Variants in GPD2 observed in about 807,000 individuals in gnomAD.
The protein encoded by GPD2 is glycerol-3-phosphate dehydrogenase 2, also known as glycerol-3-phosphate dehydrogenase, mitochondrial.
GPD2 carries 54 observed loss-of-function variants against 82.4 expected under a neutral mutation model. That is an observed-to-expected ratio of 0.66 (90% CI 0.53 to 0.82). GPD2 has a LOEUF of 0.82. Ranked by LOEUF, GPD2 falls within the 40% of genes least tolerant of loss-of-function variation. GPD2 has a pLI of 0.00. For missense variants in GPD2, 748 were observed against 896.2 expected (o/e 0.83, Z 2.11); for synonymous variants, 288 against 306.1 (o/e 0.94, Z 0.62).
chr2:156,421,917 G>A, the GPD2 span, among the ~76,000 whole-genome samples: 1 of 152,170 alleles, frequency 6.6e-6, no homozygotes, highest in Non-Finnish European at 1.5e-5. Context: ...CTTAAGCCCA[G>A]GAGTTCAAGA....
intron 2 of GPD2, among the ~76,000 whole-genome samples, chr2:156,493,547 G>A (rs997133727): frequency 6.6e-6 from 1 of 152,152 alleles, no homozygotes; most frequent in South Asian, 2.1e-4. Flanking sequence ...TCACACACTA[G>A]TGATGCCTTT....
chr2:156,474,130 C>T (rs1188819768), intron 1 of GPD2, among the ~76,000 whole-genome samples: 5 of 152,050 alleles, frequency 3.3e-5, no homozygotes, highest in Admixed American at 2.6e-4. Context: ...CTCCTGGGCT[C>T]TAATCCTGGG....
At chr2:156,426,826 A>C in the GPD2 span, among the ~76,000 whole-genome samples, 1 of 27,492 alleles carries the variant, frequency 3.6e-5, no homozygotes, top group Admixed American at 5.4e-4. Flanking sequence ...GGAGAAATTT[A>C]AAAAAAAAAG....
At chr2:156,447,584 C>A (rs188328824) in intron 1 of GPD2, among the ~76,000 whole-genome samples, 3 of 152,302 alleles carry the variant, frequency 2.0e-5, no homozygotes, top group Admixed American at 2.0e-4. Context: ...ATTCTCCCTC[C>A]TTAGCCTCCC....
chr2:156,495,975 A>T, intron 2 of GPD2, 69 bp from the exon 3 acceptor site: 1 of 1,135,246 alleles, frequency 8.8e-7, no homozygotes, highest in Non-Finnish European at 1.3e-6. Flanking sequence ...ATTTCCTTTT[A>T]GTATATTGTA....
chr2:156,468,329 A>G (rs139947476), intron 1 of GPD2, among the ~76,000 whole-genome samples: 113 of 152,280 alleles, frequency 7.4e-4, no homozygotes, highest in Non-Finnish European at 1.4e-3. Context: ...GAGGTTCTAT[A>G]TGCTTATTTT....
At chr2:156,521,540 T>C (rs1685408554) in intron 6 of GPD2, among the ~76,000 whole-genome samples, 1 of 152,208 alleles carries the variant, frequency 6.6e-6, no homozygotes. Context: ...ATGGATACTC[T>C]ATAGTCCACC....
chr2:156,569,410 G>A lies in GPD2; in HGVS notation c.1348G>A (p.Ala450Thr). Reference protein sequence around the residue: ...YRSMAEDTINAAVKTHNLKAG... With the variant: ...YRSMAEDTINTAVKTHNLKAG... Reference sequence around the variant, plus strand: ...GTCTATGGCAGAAGATACCATAAATGCTGCTGTCAAAACTCATAATTTAAA... The same window carrying A: ...GTCTATGGCAGAAGATACCATAAATACTGCTGTCAAAACTCATAATTTAAA... The change falls in exon 11 of 17, where the codon GCT becomes ACT. Residue 450 changes from alanine (A) to threonine (T), a missense_variant. By Grantham distance (58) the Ala-to-Thr change is moderately conservative (BLOSUM62 0). Coordinates refer to ENST00000438166, the MANE Select transcript of GPD2 (RefSeq NM_000408.5). 1 of 1,611,318 alleles carries A rather than the reference G, an allele frequency of 6.2e-7. No individual in the cohort carries two copies. The highest frequency in any genetic ancestry group is 1.1e-5 in the South Asian group (1 of 91,040).
At chr2:156,514,685 A>G (rs1685133244) in intron 6 of GPD2, among the ~76,000 whole-genome samples, 1 of 152,148 alleles carries the variant, frequency 6.6e-6, no homozygotes, top group African/African-American at 2.4e-5. Context: ...AGGATCAACA[A>G]TATTAGAAAA....
At chr2:156,522,782 A>G (rs1413140629) in intron 6 of GPD2, among the ~76,000 whole-genome samples, 3 of 151,924 alleles carry the variant, frequency 2.0e-5, no homozygotes, top group African/African-American at 4.8e-5. Flanking sequence ...AAGAGGAATC[A>G]TAGCTAAAAA....
intron 2 of GPD2, among the ~76,000 whole-genome samples, chr2:156,481,111 A>T (rs534971294): frequency 2.4e-4 from 37 of 152,084 alleles, no homozygotes; most frequent in Middle Eastern, 3.4e-3. Flanking sequence ...ACCTAGCTGT[A>T]CTTTTCTTTT....
chr2:156,563,299 C>T (rs933284760), intron 9 of GPD2, among the ~76,000 whole-genome samples: 2 of 151,990 alleles, frequency 1.3e-5, no homozygotes, highest in African/African-American at 4.8e-5. Flanking sequence ...ATAATTGACA[C>T]TGCTGGAGAC....
At chr2:156,400,329 G>T in the GPD2 span, among the ~76,000 whole-genome samples, 4 of 152,240 alleles carry the variant, frequency 2.6e-5, no homozygotes, top group Admixed American at 2.6e-4. Context: ...CCCGAGCGCT[G>T]GGCCCGGGCT....
chr2:156,571,012 A>G (rs1687591986), intron 12 of GPD2, 122 bp from the exon 13 acceptor site: 1 of 757,816 alleles, frequency 1.3e-6, no homozygotes, highest in African/African-American at 1.7e-5. Flanking sequence ...CTGGAGGACC[A>G]GAGAGTATAA....
chr2:156,479,219 C>A lies in GPD2; in HGVS notation c.102+3012C>A, dbSNP rs574545189. On this transcript the variant is annotated intron_variant, in intron 2 of 16. Coordinates refer to ENST00000438166, the MANE Select transcript of GPD2 (RefSeq NM_000408.5). Reference sequence around the variant, plus strand: ...TATGTAAAGAAAACAATTGTATATTCTTTAAAAATTAATTAAACATAAGAC... The same window carrying A: ...TATGTAAAGAAAACAATTGTATATTATTTAAAAATTAATTAAACATAAGAC... Among the ~76,000 whole-genome samples the A allele has an allele frequency of 2.8e-4, 43 of 152,274 alleles. 1 individual carries two copies. Among genetic ancestry groups the A allele is most frequent in the South Asian group, 6.2e-4 (3 of 4,824 alleles).
At chr2:156,423,573 C>G in the GPD2 span, among the ~76,000 whole-genome samples, 1 of 152,134 alleles carries the variant, frequency 6.6e-6, no homozygotes, top group Non-Finnish European at 1.5e-5. Context: ...TCTTTTTACT[C>G]TCTTATGGTA....
At chr2:156,581,888 A>G (rs1014993839) in intron 16 of GPD2, among the ~76,000 whole-genome samples, 2 of 152,062 alleles carry the variant, frequency 1.3e-5, no homozygotes, top group African/African-American at 4.8e-5. Flanking sequence ...GCTAAAAGCT[A>G]TAACCCTAAA....
chr2:156,508,761 C>A (rs759926024), intron 3 of GPD2, among the ~76,000 whole-genome samples: 21 of 152,294 alleles, frequency 1.4e-4, no homozygotes, highest in Non-Finnish European at 2.6e-4. Context: ...AGAAGAAGAA[C>A]TCTGTGTTGG....
At chr2:156,433,722 G>C (rs1284343326), upstream of GPD2, among the ~76,000 whole-genome samples, 1 of 152,212 alleles carries the variant, frequency 6.6e-6, no homozygotes, top group Non-Finnish European at 1.5e-5. Context: ...AGTGTGACTA[G>C]GACTAGTGGG....
Sources: allele counts gnomAD v4.1 joint callset (sites outside exome capture counted in the v4.1 genomes callset), GRCh38; gene constraint gnomAD v4.1.1; transcripts MANE v1.5; gene names NCBI Gene and HGNC (gene_info 2026-07-23, HGNC 2026-07-21).